DLG2: variants seen among roughly 807,000 people sequenced by gnomAD.
DLG2 encodes disks large homolog 2.
Under a neutral mutation model 132.5 loss-of-function variants are expected in DLG2, and 45 were observed. That is an observed-to-expected ratio of 0.34 (90% CI 0.27 to 0.44). The LOEUF is 0.44. Among genes scored for constraint, DLG2 ranks in the 20% least tolerant of loss-of-function variants. The probability of loss-of-function intolerance (pLI) is 1.00; values close to 1 mark genes in which losing one functional copy is unlikely to be tolerated. For synonymous variants in DLG2, 424 were observed against 419.6 expected, an observed-to-expected ratio of 1.01 and a Z score of -0.13; for missense variants, 1,045 against 1,196.9, an observed-to-expected ratio of 0.87 and a Z score of 1.87.
At chr11:83,975,004 G>C (rs1390082331) in intron 12 of DLG2, among the ~76,000 whole-genome samples, 1 of 152,022 alleles carries the variant, frequency 6.6e-6, no homozygotes, top group African/African-American at 2.4e-5. Context: ...AAGAGGCTAA[G>C]ATTTTAAACC....
At chr11:83,873,231 T>A (rs2063817539) in intron 16 of DLG2, among the ~76,000 whole-genome samples, 1 of 152,082 alleles carries the variant, frequency 6.6e-6, no homozygotes, top group Non-Finnish European at 1.5e-5. Flanking sequence ...TGAGAATCAG[T>A]GTTCAGAAAA....
At chr11:84,363,441 T>C (rs1214580306) in intron 7 of DLG2, among the ~76,000 whole-genome samples, 2 of 152,164 alleles carry the variant, frequency 1.3e-5, no homozygotes, top group African/African-American at 4.8e-5. Flanking sequence ...TTGTGAAAAT[T>C]TTCTCCCATT....
At chr11:84,157,467 A>G (rs1451782412) in intron 9 of DLG2, among the ~76,000 whole-genome samples, 1 of 152,142 alleles carries the variant, frequency 6.6e-6, no homozygotes, top group East Asian at 1.9e-4. Context: ...GTCTCATTCT[A>G]TTGCCCAGAC....
At chr11:84,559,078 A>G (rs991489654) in intron 6 of DLG2, among the ~76,000 whole-genome samples, 1 of 152,184 alleles carries the variant, frequency 6.6e-6, no homozygotes, top group Non-Finnish European at 1.5e-5. Flanking sequence ...TGGCAGCTCA[A>G]TGGATGTTGA....
At chr11:83,770,063 G>A (rs888312871) in intron 18 of DLG2, among the ~76,000 whole-genome samples, 2 of 152,078 alleles carry the variant, frequency 1.3e-5, no homozygotes, top group Non-Finnish European at 1.5e-5. Context: ...TCTTAATAAT[G>A]TCATACTGTG....
At chr11:85,239,329 A>G (rs1392920796) in intron 4 of DLG2, among the ~76,000 whole-genome samples, 1 of 152,086 alleles carries the variant, frequency 6.6e-6, no homozygotes, top group African/African-American at 2.4e-5. Context: ...GGCACCATGT[A>G]TGGTCTATAA....
At chr11:85,395,376 G>A (rs1170258187) in intron 3 of DLG2, among the ~76,000 whole-genome samples, 1 of 152,094 alleles carries the variant, frequency 6.6e-6, no homozygotes, top group Non-Finnish European at 1.5e-5. Flanking sequence ...TCCAAATGAG[G>A]TACCTGGTTC....
At chr11:84,475,561 TGA>T (rs1268417220) in intron 7 of DLG2, among the ~76,000 whole-genome samples, 1 of 152,006 alleles carries the variant, frequency 6.6e-6, no homozygotes, top group Non-Finnish European at 1.5e-5. Flanking sequence ...TATAGACAAG[TGA>T]GAGACAATTG....
chr11:84,665,715 G>T (rs1473279986), intron 6 of DLG2, among the ~76,000 whole-genome samples: 1 of 152,054 alleles, frequency 6.6e-6, no homozygotes, highest in Non-Finnish European at 1.5e-5. Flanking sequence ...TGTTGTGCTT[G>T]TCTTCCTTTC....
chr11:85,345,542 C>T (rs372706851), intron 3 of DLG2, among the ~76,000 whole-genome samples: 9 of 152,200 alleles, frequency 5.9e-5, no homozygotes, highest in African/African-American at 2.2e-4. Flanking sequence ...ATATCACACA[C>T]CTGGCAGAAA....
chr11:83,648,239 A>G (rs1323233817), intron 18 of DLG2, among the ~76,000 whole-genome samples: 1 of 152,186 alleles, frequency 6.6e-6, no homozygotes. Flanking sequence ...CAGTACAGAG[A>G]GGAAGTACAA....
intron 19 of DLG2, among the ~76,000 whole-genome samples, chr11:83,610,452 CTG>C (rs2059956456): frequency 6.6e-6 from 1 of 152,132 alleles, no homozygotes; most frequent in South Asian, 2.1e-4. Flanking sequence ...AATTAAACAT[CTG>C]TGGAACCCTG....
chr11:84,617,590 C>T (rs921961908), intron 6 of DLG2, among the ~76,000 whole-genome samples: 4 of 152,108 alleles, frequency 2.6e-5, no homozygotes, highest in African/African-American at 4.8e-5. Flanking sequence ...AACTAATTTA[C>T]ACGCCCACCA....
intron 11 of DLG2, among the ~76,000 whole-genome samples, chr11:83,981,253 T>C (rs1330911278): frequency 1.3e-5 from 2 of 152,198 alleles, no homozygotes; most frequent in Non-Finnish European, 2.9e-5. Context: ...TCATGTTTTG[T>C]TCTCTTGCCA....
chr11:85,274,102 C>T (rs1037969352), intron 4 of DLG2, among the ~76,000 whole-genome samples: 6 of 119,526 alleles, frequency 5.0e-5, no homozygotes, highest in African/African-American at 9.2e-5. Context: ...CTGCGGCTGT[C>T]GTGGGGTGGG....
At chr11:85,435,663 G>A (rs538030261) in intron 3 of DLG2, among the ~76,000 whole-genome samples, 2 of 152,212 alleles carry the variant, frequency 1.3e-5, no homozygotes, top group East Asian at 3.9e-4. Context: ...AATAAGAGAG[G>A]ACACAAACAA....
At chr11:84,544,309 C>T (rs911491667) in intron 6 of DLG2, among the ~76,000 whole-genome samples, 2 of 152,124 alleles carry the variant, frequency 1.3e-5, no homozygotes, top group African/African-American at 4.8e-5. Context: ...GGGAAAATAA[C>T]GAGTATGGAA....
At chr11:84,855,453 G>A (rs190293073) in intron 6 of DLG2, among the ~76,000 whole-genome samples, 9 of 152,146 alleles carry the variant, frequency 5.9e-5, no homozygotes, top group Non-Finnish European at 1.0e-4. Flanking sequence ...TGTAGCTAGA[G>A]AGTAAAATAT....
intron 6 of DLG2, among the ~76,000 whole-genome samples, chr11:84,843,654 T>A (rs180780612): frequency 6.6e-6 from 1 of 152,062 alleles, no homozygotes; most frequent in Non-Finnish European, 1.5e-5. Context: ...TCCTCTCATA[T>A]ACTTTAAATC....
Sources: allele counts gnomAD v4.1 joint callset (sites outside exome capture counted in the v4.1 genomes callset), GRCh38; gene constraint gnomAD v4.1.1; transcripts MANE v1.5; gene names NCBI Gene and HGNC (gene_info 2026-07-23, HGNC 2026-07-21).